The following ARHGEF1 variants were observed in gnomAD, a reference collection of about 807,000 sequenced individuals.
ARHGEF1 encodes the protein 115 kDa guanine nucleotide exchange factor.
Under a neutral mutation model 119.7 loss-of-function variants are expected in ARHGEF1, and 40 were observed. The observed-to-expected ratio is 0.33, with a 90% CI of 0.26 to 0.44. The LOEUF is 0.44. Ranked by LOEUF, ARHGEF1 falls within the 20% of genes least tolerant of loss-of-function variation. The pLI, the probability that ARHGEF1 is intolerant of heterozygous loss-of-function variation, is 1.00. For synonymous variants in ARHGEF1, 494 were observed against 521.0 expected, an observed-to-expected ratio of 0.95 and a Z score of 0.71; for missense variants, 976 against 1,268.3, an observed-to-expected ratio of 0.77 and a Z score of 3.50.
rs2074250245 is a variant in ARHGEF1, at chr19:41,883,333, T to A, written c.-20+44T>A. 6.2e-6 allele frequency: 1 copy of A among 161,434 alleles called. No homozygotes were observed. The highest frequency in any genetic ancestry group is 1.4e-5 in the Non-Finnish European group (1 of 71,958). 10.0% of individuals were successfully genotyped at this position (161,434 alleles called of 1,614,324 possible). A position where few individuals can be genotyped will look rare whatever the true frequency, so the allele number is the denominator to read the frequency against. ...CGCCCGGCCTCCTCCCCTCGGCTGT[T>A]GGGGGAAGTGGGGAGGAGGAGGGAG... On this transcript the variant is annotated intron_variant, in intron 1 of 28. Transcript: ENST00000354532. The surrounding 1 kb of genome is among the most constrained non-coding windows in gnomAD (Gnocchi z 7.6).
intron 11 of ARHGEF1, 64 bp downstream of exon 11, chr19:41,894,725 C>T (rs1162638261): frequency 1.5e-5 from 24 of 1,575,522 alleles, no homozygotes; most frequent in Admixed American, 1.3e-4. Context: ...AGGACCTGGA[C>T]GCCTGGGTCT....
At chr19:41,901,214 A>G (rs1424909764) in intron 14 of ARHGEF1, among the ~76,000 whole-genome samples, 1 of 151,392 alleles carries the variant, frequency 6.6e-6, no homozygotes, top group Non-Finnish European at 1.5e-5. Context: ...CAGTGGTGTG[A>G]TCTCAGCTCA....
Position 41,889,440 on chromosome 19 carries a change from A to G in ARHGEF1, c.225+575A>G, listed in dbSNP as rs2123382136. ...GGATGAGGCAGAAGATACCTGGGAG[A>G]TGTGGATGGACAACCGTGCCATCCA... On this transcript the variant is annotated intron_variant, in intron 4 of 28. Transcript: ENST00000354532. The surrounding 1 kb of genome is among the most constrained non-coding windows in gnomAD (Gnocchi z 4.0). The G allele has an allele frequency of 6.6e-6, 1 of 152,494 alleles. No homozygotes were observed. The highest frequency in any genetic ancestry group is 1.9e-4 in the East Asian group (1 of 5,190). 9.4% of individuals were successfully genotyped at this position (152,494 alleles called of 1,614,324 possible).
At chr19:41,901,125 C>T (rs968931914) in intron 14 of ARHGEF1, among the ~76,000 whole-genome samples, 4 of 151,390 alleles carry the variant, frequency 2.6e-5, no homozygotes, top group African/African-American at 4.9e-5. Context: ...TGACTCCACC[C>T]GGAGAGTTTT....
Position 41,913,060 on chromosome 19 carries a change from C to T in ARHGEF1, c.1865+6257C>T, listed in dbSNP as rs183716739. On this transcript the variant is annotated intron_variant, in intron 18 of 20. Coordinates refer to the ARHGEF1 transcript ENST00000599589. ...CCACCCCAGCCTGACACCCTCTCCCCGCAATCCCTCCTGCCCACTCCCTCC... is the reference window on the plus strand; with the variant it reads ...CCACCCCAGCCTGACACCCTCTCCCTGCAATCCCTCCTGCCCACTCCCTCC... 1,386 of 404,612 alleles carry T rather than the reference C, an allele frequency of 3.4e-3. 17 individuals carry two copies. Among genetic ancestry groups the T allele is most frequent in the African/African-American group, 0.026 (1,287 of 48,674 alleles). 25.1% of individuals were successfully genotyped at this position (404,612 alleles called of 1,614,324 possible).
upstream of ARHGEF1, among the ~76,000 whole-genome samples, chr19:41,922,212 A>G (rs1555852552): frequency 6.6e-6 from 1 of 152,156 alleles, no homozygotes; most frequent in African/African-American, 2.4e-5. Flanking sequence ...GCATCCCGAC[A>G]GAGCCCGGGG....
intron 18 of ARHGEF1, among the ~76,000 whole-genome samples, chr19:41,915,088 T>TC (rs1197128609): frequency 5.4e-5 from 4 of 73,562 alleles, no homozygotes; most frequent in Non-Finnish European, 1.0e-4. Flanking sequence ...CTCTCCCACC[T>TC]CCCGCTCTCT....
chr19:41,911,058 C>T (rs551963932), downstream of ARHGEF1, among the ~76,000 whole-genome samples: 8 of 152,282 alleles, frequency 5.3e-5, no homozygotes, highest in African/African-American at 1.7e-4. Context: ...ACCAAGATAT[C>T]CATGTCCCCA....
At chr19:41,895,803 G>A (rs1377213497) in intron 12 of ARHGEF1, among the ~76,000 whole-genome samples, 1 of 152,106 alleles carries the variant, frequency 6.6e-6, no homozygotes, top group African/African-American at 2.4e-5. Flanking sequence ...TCCACCCTCT[G>A]AGCTGCATTG....
chr19:41,906,949 C>A lies in ARHGEF1; in HGVS notation c.*17+146C>A. On this transcript the variant is annotated intron_variant, in intron 28 of 28. Coordinates refer to ENST00000354532, the MANE Select transcript of ARHGEF1 (RefSeq NM_004706.4). This position sits in a 1 kb window ranked among gnomAD's most constrained non-coding sequence, Gnocchi z 4.5. ...CACCTCGTGTTTCTCATCTCTGTGT[C>A]TCTGTTTCTGATAATCTGTTTCTCT... is the stretch of plus-strand genomic sequence containing the variant. The A allele has an allele frequency of 1.0e-6, 1 of 955,628 alleles. No individual in the cohort carries two copies. Among genetic ancestry groups the A allele is most frequent in the Non-Finnish European group, 1.5e-6 (1 of 661,046 alleles). The allele number at this position is 955,628 out of a possible 1,614,324, so 59.2% of individuals were successfully genotyped here. A position where few individuals can be genotyped will look rare whatever the true frequency, so the allele number is the denominator to read the frequency against.
chr19:41,917,009 GGT>G lies in ARHGEF1; in HGVS notation c.1866-6067_1866-6066del, dbSNP rs782321934. 1.4e-4 allele frequency among the ~76,000 whole-genome samples: 18 copies of G among 132,094 alleles called. No homozygotes were observed. The highest frequency in any genetic ancestry group is 2.1e-4 in the East Asian group (1 of 4,812). The allele number at this position is 132,094 out of a possible 152,430, so 86.7% of individuals were successfully genotyped here. A position where few individuals can be genotyped will look rare whatever the true frequency, so the allele number is the denominator to read the frequency against. ...AACTTCCCAAGCATGTCTCTGCATG[GGT>G]GTGTGTGTGTGTGTGCACATATGTG... is the stretch of plus-strand genomic sequence containing the variant. On this transcript the variant is annotated intron_variant, in intron 18 of 20. Transcript: ENST00000599589. This position sits in a 1 kb window ranked among gnomAD's most constrained non-coding sequence, Gnocchi z 4.8.
chr19:41,928,879 C>T (rs868982023), exon 2 of ARHGEF1: 1 of 455,282 alleles, frequency 2.2e-6, no homozygotes, highest in Non-Finnish European at 4.4e-6. Flanking sequence ...GGCGACGATG[C>T]GTCCAGGACC....
In ARHGEF1 at chr19:41,889,101, A is replaced by T; in HGVS notation, c.225+236A>T. The T allele has an allele frequency of 2.2e-6, 1 of 462,718 alleles. No individual in the cohort carries two copies. Among genetic ancestry groups the T allele is most frequent in the Non-Finnish European group, 3.9e-6 (1 of 254,430 alleles). 28.7% of individuals were successfully genotyped at this position (462,718 alleles called of 1,614,324 possible). A position where few individuals can be genotyped will look rare whatever the true frequency, so the allele number is the denominator to read the frequency against. ...TCAGTGCGCAGCGGGCAGGGTACAC[A>T]CGTCAGGACCCCGCGGAGCCACAGA... On this transcript the variant is annotated intron_variant, in intron 4 of 28. Coordinates refer to ENST00000354532, the MANE Select transcript of ARHGEF1 (RefSeq NM_004706.4). This position sits in a 1 kb window ranked among gnomAD's most constrained non-coding sequence, Gnocchi z 4.0.
chr19:41,928,090 C>T, intron 1 of ARHGEF1: 1 of 152,230 alleles, frequency 6.6e-6, no homozygotes, highest in Non-Finnish European at 1.5e-5. Flanking sequence ...GTTTAAAGTT[C>T]GGATCCCGCA....
intron 13 of ARHGEF1, chr19:41,897,499 C>T: frequency 3.2e-6 from 1 of 312,046 alleles, no homozygotes; most frequent in Non-Finnish European, 6.0e-6. Flanking sequence ...CCCATAACAC[C>T]CCCTCTGTTG....
chr19:41,893,289 C>T lies in ARHGEF1; in HGVS notation c.630C>T (p.Thr210=), dbSNP rs1404489430. The change falls in exon 8 of 29, where the codon ACC becomes ACT. Residue 210 remains threonine, a synonymous_variant. Coordinates refer to ENST00000354532, the MANE Select transcript of ARHGEF1 (RefSeq NM_004706.4). ...HLEEMQHTIS[T]DEEKSAAVVN... The stretch of plus-strand genomic sequence containing the variant: ...CCTCCTACAGACATACCATCTCTAC[C>T]GACGAAGAAAAGAGGTGAGGGGGGC... 11 of 1,610,118 alleles carry T rather than the reference C, an allele frequency of 6.8e-6. No homozygotes were observed. Among genetic ancestry groups the T allele is most frequent in the East Asian group, 2.2e-5 (1 of 44,652 alleles).
chr19:41,892,531 C>A lies in ARHGEF1; in HGVS notation c.368-72C>A. The A allele has an allele frequency of 6.4e-7, 1 of 1,571,274 alleles. No homozygotes were observed. ...CCTCAGGACGTGTGGCTGTTGGAGT[C>A]CAAGGGTGGGTGGGGACCGTGGTCC... is the stretch of plus-strand genomic sequence containing the variant. On this transcript the variant is annotated intron_variant, in intron 6 of 28. Transcript: ENST00000354532. The surrounding 1 kb of genome is among the most constrained non-coding windows in gnomAD (Gnocchi z 6.3).
chr19:41,902,664 G>A lies in ARHGEF1; in HGVS notation c.1623+6G>A, dbSNP rs782279986. ...GGTTCTGTGCCTTCGTGCAGGTGAG[G>A]TGGGGTCTGGACTCCAGCTTCCCAG... On this transcript the variant is annotated splice_donor_region_variant and intron_variant, in intron 17 of 28. Transcript: ENST00000354532. The surrounding 1 kb of genome is among the most constrained non-coding windows in gnomAD (Gnocchi z 6.5). 6.6e-5 allele frequency: 107 copies of A among 1,614,080 alleles called. No individual in the cohort carries two copies. Among genetic ancestry groups the A allele is most frequent in the Non-Finnish European group, 8.6e-5 (101 of 1,180,032 alleles).
rs1323772921 is a variant in ARHGEF1, at chr19:41,904,289, C to G, written c.2067C>G (p.Ser689=). 1.2e-6 allele frequency: 2 copies of G among 1,612,268 alleles called. No individual in the cohort carries two copies. The highest frequency in any genetic ancestry group is 2.7e-5 in the African/African-American group (2 of 75,054). ...AGGACGAGCGGCTGCTGCTCAAGTC[C>G]CATAGCCGGACACTGACGCCCACGC... ...QRQDERLLLK[S]HSRTLTPTPD... is the part of the protein sequence containing the mutation. The change falls in exon 22 of 29, where the codon TCC becomes TCG. Residue 689 remains serine, a synonymous_variant. Coordinates refer to ENST00000354532, the MANE Select transcript of ARHGEF1 (RefSeq NM_004706.4). The surrounding 1 kb of genome is among the most constrained non-coding windows in gnomAD (Gnocchi z 8.4).
Sources: gnomAD v4.1 joint callset for allele counts (sites outside exome capture counted in the v4.1 genomes callset) on GRCh38, gnomAD v4.1.1 for gene constraint, Gnocchi (gnomAD v3.1) non-coding constraint, MANE v1.5 for transcripts, NCBI Gene and HGNC (gene_info 2026-07-23, HGNC 2026-07-21) for gene names.